The following SH3GL2 variants were observed in gnomAD, a reference collection of about 807,000 sequenced individuals.
SH3GL2 encodes endophilin-A1.
SH3GL2 carries 24 observed loss-of-function variants against 46.0 expected under a neutral mutation model. That is an observed-to-expected ratio of 0.52 (90% CI 0.38 to 0.73). The LOEUF (loss-of-function observed/expected upper bound fraction) is 0.73, where lower values mean the gene tolerates loss of function less well. SH3GL2 is among the 30% of genes least tolerant of loss of function. The pLI is 0.00. For synonymous variants in SH3GL2, 196 were observed against 147.1 expected, an observed-to-expected ratio of 1.33 and a Z score of -2.40; for missense variants, 413 against 424.2, an observed-to-expected ratio of 0.97 and a Z score of 0.23.
intron 1 of SH3GL2, among the ~76,000 whole-genome samples, chr9:17,649,464 C>G (rs908398163): frequency 1.3e-5 from 2 of 152,078 alleles, no homozygotes; most frequent in African/African-American, 2.4e-5. Flanking sequence ...GGTTGGATCT[C>G]TGTTTTCAGT....
At chr9:17,761,287 C>G (rs1823162787) in intron 2 of SH3GL2, 150 bp from the exon 3 acceptor site, 1 of 643,564 alleles carries the variant, frequency 1.6e-6, no homozygotes, top group South Asian at 1.8e-5. Context: ...GTCAGCATGA[C>G]TTCCAGCCGC....
intron 3 of SH3GL2, among the ~76,000 whole-genome samples, chr9:17,783,138 T>C (rs777627887): frequency 1.3e-5 from 2 of 152,120 alleles, no homozygotes; most frequent in Non-Finnish European, 2.9e-5. Flanking sequence ...CTGTTTATCA[T>C]TGAACACTGA....
chr9:17,725,500 C>A (rs2383042), intron 1 of SH3GL2, among the ~76,000 whole-genome samples: 44,922 of 151,964 alleles, frequency 0.3, 8,043 homozygotes, highest in African/African-American at 0.49. Flanking sequence ...TCTTTGTTCC[C>A]AATAAAGTCA....
intron 3 of SH3GL2, among the ~76,000 whole-genome samples, chr9:17,781,890 A>G (rs942230138): frequency 3.3e-5 from 5 of 151,864 alleles, no homozygotes; most frequent in Admixed American, 1.3e-4. Flanking sequence ...TGTCTTCTGC[A>G]GTGTAAATAT....
chr9:17,681,763 T>C (rs767366910), intron 1 of SH3GL2, among the ~76,000 whole-genome samples: 3 of 151,988 alleles, frequency 2.0e-5, no homozygotes, highest in Non-Finnish European at 2.9e-5. Flanking sequence ...TCAGAGTGAA[T>C]AGGCAACCAA....
intron 1 of SH3GL2, among the ~76,000 whole-genome samples, chr9:17,586,480 ATCAAGCTATGTATTAG>A (rs1324620105): frequency 6.6e-6 from 1 of 152,174 alleles, no homozygotes; most frequent in Non-Finnish European, 1.5e-5. Context: ...ACATCTCAAT[ATCAAGCTATGTATTAG>A]TCTGTTCTCA....
At chr9:17,740,164 G>A (rs996344009) in intron 1 of SH3GL2, among the ~76,000 whole-genome samples, 1 of 152,024 alleles carries the variant, frequency 6.6e-6, no homozygotes, top group African/African-American at 2.4e-5. Flanking sequence ...TCTCAATTTA[G>A]ATAGACAAAA....
chr9:17,673,225 T>C (rs1312924926), intron 1 of SH3GL2, among the ~76,000 whole-genome samples: 2 of 152,130 alleles, frequency 1.3e-5, no homozygotes, highest in African/African-American at 4.8e-5. Flanking sequence ...TATGGCTCAC[T>C]GCAGCCTTGA....
intron 1 of SH3GL2, among the ~76,000 whole-genome samples, chr9:17,603,628 A>G (rs1264073754): frequency 6.6e-6 from 1 of 152,118 alleles, no homozygotes; most frequent in East Asian, 1.9e-4. Flanking sequence ...TGGGAGGTCA[A>G]AGCCCATGGG....
chr9:17,737,616 C>G (rs1394012977), intron 1 of SH3GL2, among the ~76,000 whole-genome samples: 1 of 152,114 alleles, frequency 6.6e-6, no homozygotes, highest in East Asian at 1.9e-4. Flanking sequence ...CTTGCTTATA[C>G]TCATTAGGGA....
intron 1 of SH3GL2, among the ~76,000 whole-genome samples, chr9:17,600,791 C>G (rs567415657): frequency 6.6e-6 from 1 of 152,154 alleles, no homozygotes; most frequent in Non-Finnish European, 1.5e-5. Flanking sequence ...TTTTTAAAAA[C>G]TCTTTACTCA....
chr9:17,764,110 A>G (rs1449840653), intron 3 of SH3GL2, among the ~76,000 whole-genome samples: 6 of 152,300 alleles, frequency 3.9e-5, no homozygotes, highest in Non-Finnish European at 8.8e-5. Context: ...TTGAATGGAC[A>G]TCTGCCACTA....
intron 1 of SH3GL2, among the ~76,000 whole-genome samples, chr9:17,587,361 G>C (rs1332060146): frequency 6.6e-6 from 1 of 152,170 alleles, no homozygotes; most frequent in Non-Finnish European, 1.5e-5. Context: ...AGTAGAGGAA[G>C]TTCCTTGGTT....
chr9:17,702,148 TAATA>T (rs1821354625), intron 1 of SH3GL2, among the ~76,000 whole-genome samples: 1 of 151,988 alleles, frequency 6.6e-6, no homozygotes, highest in Non-Finnish European at 1.5e-5. Context: ...ACAAAATAGA[TAATA>T]AATGGTTTTG....
chr9:17,641,435 A>T (rs187477584), intron 1 of SH3GL2, among the ~76,000 whole-genome samples: 1 of 152,146 alleles, frequency 6.6e-6, no homozygotes, highest in East Asian at 1.9e-4. Flanking sequence ...AACCTTGAAA[A>T]CTTTACTTAT....
chr9:17,582,768 G>A (rs1261303903), intron 1 of SH3GL2, among the ~76,000 whole-genome samples: 2 of 152,164 alleles, frequency 1.3e-5, no homozygotes, highest in South Asian at 2.1e-4. Flanking sequence ...GTAGGGCCAC[G>A]AGCTCTCTGA....
At chr9:17,720,165 G>A (rs1232800436) in intron 1 of SH3GL2, among the ~76,000 whole-genome samples, 1 of 152,024 alleles carries the variant, frequency 6.6e-6, no homozygotes, top group East Asian at 1.9e-4. Context: ...AATAAATTTA[G>A]TACCGGAGAC....
intron 1 of SH3GL2, among the ~76,000 whole-genome samples, chr9:17,734,419 A>G (rs1464420148): frequency 1.3e-5 from 2 of 152,108 alleles, no homozygotes; most frequent in Non-Finnish European, 2.9e-5. Context: ...GCACTTACTC[A>G]ATTATACTGT....
At chr9:17,627,428 GT>G (rs1819309068) in intron 1 of SH3GL2, among the ~76,000 whole-genome samples, 1 of 152,154 alleles carries the variant, frequency 6.6e-6, no homozygotes, top group Non-Finnish European at 1.5e-5. Flanking sequence ...TCTTCTGGAA[GT>G]AAAGGCCTGA....
Sources: allele counts gnomAD v4.1 joint callset (sites outside exome capture counted in the v4.1 genomes callset), GRCh38; gene constraint gnomAD v4.1.1; transcripts MANE v1.5; gene names NCBI Gene and HGNC (gene_info 2026-07-23, HGNC 2026-07-21).